Variants in KCNK9 observed in about 807,000 individuals in gnomAD.
KCNK9 encodes the protein potassium channel subfamily K member 9.
A neutral mutation model predicts 10.8 loss-of-function variants in KCNK9; 1 was observed. That is an observed-to-expected ratio of 0.09 (90% CI 0.03 to 0.44). The LOEUF (loss-of-function observed/expected upper bound fraction) is 0.44. Ranked by LOEUF, KCNK9 falls within the 20% of genes least tolerant of loss-of-function variation. The probability of loss-of-function intolerance (pLI) is 0.97; values close to 1 mark genes in which losing one functional copy is unlikely to be tolerated. For missense variants in KCNK9, 303 were observed against 515.0 expected, an observed-to-expected ratio of 0.59 and a Z score of 3.98; for synonymous variants, 231 against 222.7, an observed-to-expected ratio of 1.04 and a Z score of -0.33.
At chr8:139,659,624 G>T (rs1328143988) in intron 1 of KCNK9, among the ~76,000 whole-genome samples, 1 of 151,272 alleles carries the variant, frequency 6.6e-6, no homozygotes, top group Non-Finnish European at 1.5e-5. Flanking sequence ...CCGTTCTCTT[G>T]CCTCAGCCAC....
intron 1 of KCNK9, among the ~76,000 whole-genome samples, chr8:139,657,188 G>A (rs1211350823): frequency 2.0e-5 from 3 of 152,232 alleles, no homozygotes; most frequent in Non-Finnish European, 4.4e-5. Flanking sequence ...GTGCTAGCTT[G>A]AGCCAGGATT....
chr8:139,689,731 C>A (rs1473343103), intron 1 of KCNK9, among the ~76,000 whole-genome samples: 1 of 151,612 alleles, frequency 6.6e-6, no homozygotes, highest in African/African-American at 2.4e-5. Context: ...CAAGCTCTGC[C>A]TCCCAGGTTC....
intron 2 of KCNK9, among the ~76,000 whole-genome samples, chr8:139,602,382 CA>C (rs1817393445): frequency 6.6e-6 from 1 of 152,190 alleles, no homozygotes; most frequent in Non-Finnish European, 1.5e-5. Flanking sequence ...TTCTTTAAGA[CA>C]GTAAATACTG....
chr8:139,694,827 A>G (rs1324180983), intron 1 of KCNK9, among the ~76,000 whole-genome samples: 1 of 151,152 alleles, frequency 6.6e-6, no homozygotes, highest in African/African-American at 2.4e-5. Context: ...CACCCCACTC[A>G]CCTAGCACCA....
intron 1 of KCNK9, among the ~76,000 whole-genome samples, chr8:139,630,423 T>C (rs2129635122): frequency 6.6e-6 from 1 of 151,998 alleles, no homozygotes; most frequent in Non-Finnish European, 1.5e-5. Flanking sequence ...CCCCGGGGCC[T>C]CTCTCCCGGA....
chr8:139,644,968 G>T (rs529580683), intron 1 of KCNK9, among the ~76,000 whole-genome samples: 4 of 152,318 alleles, frequency 2.6e-5, no homozygotes, highest in Admixed American at 2.6e-4. Context: ...ACATGGGCTA[G>T]CCAACCAAGC....
chr8:139,679,867 T>A (rs1816646387), intron 1 of KCNK9, among the ~76,000 whole-genome samples: 1 of 152,136 alleles, frequency 6.6e-6, no homozygotes, highest in African/African-American at 2.4e-5. Context: ...AACCCCCAAC[T>A]CCACTCTGTC....
Position 139,618,263 on chromosome 8 carries a change from C to G in KCNK9, c.1120G>C (p.Val374Leu), listed in dbSNP as rs149047706. 6.2e-7 allele frequency: 1 copy of G among 1,614,200 alleles called. No homozygotes were observed. Among genetic ancestry groups the G allele is most frequent in the East Asian group, 2.2e-5 (1 of 44,880 alleles). ...TCCCATTTCCCTCCCCACACCTAAA[C>G]GGACTTCCGGCGTTTCATCAGCCTC... ...HQRLMKRRKS[V>L] Residue 374 changes from valine (V) to leucine (L), a missense_variant, in exon 2 of 2, where the codon GTT (valine) becomes CTT (leucine). This residue lies in a region of KCNK9 where 138 missense variants were observed against 161.1 expected (regional missense o/e 0.86). Transcript: ENST00000520439. This position sits in a 1 kb window ranked among gnomAD's most constrained non-coding sequence, Gnocchi z 7.9.
At chr8:139,665,338 C>G (rs1485636144) in intron 1 of KCNK9, among the ~76,000 whole-genome samples, 2 of 152,156 alleles carry the variant, frequency 1.3e-5, no homozygotes, top group Admixed American at 6.5e-5. Flanking sequence ...CCCCTCCGAC[C>G]TCTGCTTCAA....
At chr8:139,701,355 C>G (rs74989908) in intron 1 of KCNK9, among the ~76,000 whole-genome samples, 241 of 152,338 alleles carry the variant, frequency 1.6e-3, no homozygotes, top group African/African-American at 5.7e-3. Flanking sequence ...CAAGATGACT[C>G]TCTAAAAAGT....
downstream of KCNK9, among the ~76,000 whole-genome samples, chr8:139,608,311 G>A (rs1308065789): frequency 6.6e-6 from 1 of 152,096 alleles, no homozygotes; most frequent in African/African-American, 2.4e-5. Flanking sequence ...CACCCTGGGG[G>A]CAGATTCCCA....
At chr8:139,614,165 T>C (rs184270806), downstream of KCNK9, among the ~76,000 whole-genome samples, 568 of 152,268 alleles carry the variant, frequency 3.7e-3, 1 homozygote, top group Non-Finnish European at 6.0e-3. Context: ...TCAGGACCCA[T>C]TGGCTTCCAG....
intron 1 of KCNK9, among the ~76,000 whole-genome samples, chr8:139,643,419 T>G (rs1815569900): frequency 6.6e-6 from 1 of 152,208 alleles, no homozygotes; most frequent in African/African-American, 2.4e-5. Context: ...AGGACTCAGC[T>G]GCAGCAAGAC....
intron 1 of KCNK9, among the ~76,000 whole-genome samples, chr8:139,674,777 C>T (rs1457259252): frequency 6.6e-6 from 1 of 152,174 alleles, no homozygotes; most frequent in Non-Finnish European, 1.5e-5. Flanking sequence ...ACCCTGGGGC[C>T]TAGCAGCAAG....
chr8:139,701,709 G>A (rs1817224578), intron 1 of KCNK9, among the ~76,000 whole-genome samples: 1 of 152,054 alleles, frequency 6.6e-6, no homozygotes, highest in African/African-American at 2.4e-5. Flanking sequence ...ACACCACCCT[G>A]CCTCCTGCCA....
At chr8:139,619,354 T>G (rs1206986081) in intron 1 of KCNK9, among the ~76,000 whole-genome samples, 2 of 151,890 alleles carry the variant, frequency 1.3e-5, no homozygotes, top group African/African-American at 4.8e-5. Context: ...GGAGTTGGGA[T>G]GTGCTGGGAT....
At chr8:139,662,778 C>T (rs1382713355) in intron 1 of KCNK9, among the ~76,000 whole-genome samples, 1 of 149,290 alleles carries the variant, frequency 6.7e-6, no homozygotes, top group Non-Finnish European at 1.5e-5. Context: ...AGCAGAGAAT[C>T]AAGGAGACAC....
At chr8:139,670,453 T>C (rs1348476339) in intron 1 of KCNK9, among the ~76,000 whole-genome samples, 2 of 152,172 alleles carry the variant, frequency 1.3e-5, no homozygotes, top group Admixed American at 6.5e-5. Context: ...ATCTATAAAG[T>C]ACAATAAAGT....
downstream of KCNK9, among the ~76,000 whole-genome samples, chr8:139,616,203 T>G (rs2130097609): frequency 6.6e-6 from 1 of 152,324 alleles, no homozygotes; most frequent in South Asian, 2.1e-4. Flanking sequence ...AGGCACACTC[T>G]TCTGAAGCAT....
Sources: allele counts gnomAD v4.1 joint callset (sites outside exome capture counted in the v4.1 genomes callset), GRCh38; gene constraint gnomAD v4.1.1; regional missense constraint gnomAD v4.1.1; non-coding constraint Gnocchi (gnomAD v3.1); transcripts MANE v1.5; gene names NCBI Gene and HGNC (gene_info 2026-07-23, HGNC 2026-07-21).